NFYC: variants seen among roughly 807,000 people sequenced by gnomAD.
NFYC encodes the protein CAAT box DNA-binding protein subunit C.
Under a neutral mutation model 53.1 loss-of-function variants are expected in NFYC, and 25 were observed. The observed-to-expected ratio is 0.47, with a 90% CI of 0.34 to 0.66. The LOEUF is 0.66. Among genes scored for constraint, NFYC ranks in the 30% least tolerant of loss-of-function variants. NFYC has a pLI of 0.01. For missense variants in NFYC, 260 were observed against 422.7 expected (o/e 0.62, Z 3.38); for synonymous variants, 145 against 152.6 (o/e 0.95, Z 0.37).
chr1:40,692,010 G>A (rs771376721), intron 1 of NFYC, 143 bp downstream of exon 1: 3 of 256,068 alleles, frequency 1.2e-5, no homozygotes, highest in African/African-American at 4.8e-5. Flanking sequence ...CCGCCGCCAT[G>A]TTGTGCTCTT....
At chr1:40,697,437 T>G (rs1643208813) in intron 1 of NFYC, among the ~76,000 whole-genome samples, 1 of 152,256 alleles carries the variant, frequency 6.6e-6, no homozygotes, top group African/African-American at 2.4e-5. Flanking sequence ...CAGTCTTACT[T>G]TTGAATGCAC....
rs537098783 is a variant in NFYC at position 40,755,377 on chromosome 1, C to T, written c.387+2131C>T. ...AGCATTGTTCTGCCACTTGGGGCAA[C>T]CTCCCACTGCTGGGAAAAGGAACTA... is the stretch of plus-strand genomic sequence containing the variant. On this transcript the variant is annotated intron_variant, in intron 5 of 9. Transcript: ENST00000447388. 2.0e-5 allele frequency among the ~76,000 whole-genome samples: 3 copies of T among 152,356 alleles called. No individual in the cohort carries two copies. In the East Asian group the frequency reaches 5.8e-4, roughly 29 times the overall value.
chr1:40,770,318 T>G lies in NFYC; in HGVS notation c.889-391T>G. ...GGGGTAATCCTACTGCCCCTGCCAG[T>G]GTAGATTACCAAGAGTTGGGGAAAT... On this transcript the variant is annotated intron_variant, in intron 9 of 9. Coordinates refer to ENST00000447388, the MANE Select transcript of NFYC (RefSeq NM_014223.5). The surrounding 1 kb of genome is among the most constrained non-coding windows in gnomAD (Gnocchi z 5.3). The G allele has an allele frequency of 1.5e-6, 2 of 1,350,844 alleles. No homozygotes were observed. Among genetic ancestry groups the G allele is most frequent in the South Asian group, 2.8e-5 (2 of 71,554 alleles). The allele number at this position is 1,350,844 out of a possible 1,614,324, so 83.7% of individuals were successfully genotyped here. A position where few individuals can be genotyped will look rare whatever the true frequency, so the allele number is the denominator to read the frequency against.
intron 1 of NFYC, among the ~76,000 whole-genome samples, chr1:40,694,873 T>C (rs909326678): frequency 6.6e-6 from 1 of 152,250 alleles, no homozygotes; most frequent in Non-Finnish European, 1.5e-5. Context: ...AGATTTATAC[T>C]TTATAGGCTG....
intron 1 of NFYC, among the ~76,000 whole-genome samples, chr1:40,692,604 A>G (rs1283018530): frequency 6.6e-6 from 1 of 152,170 alleles, no homozygotes; most frequent in Non-Finnish European, 1.5e-5. Flanking sequence ...GGCTAGGGGC[A>G]TAGCTGAACG....
At chr1:40,708,534 C>T (rs1643828831) in intron 1 of NFYC, among the ~76,000 whole-genome samples, 1 of 152,088 alleles carries the variant, frequency 6.6e-6, no homozygotes, top group Non-Finnish European at 1.5e-5. Context: ...CATTATATTT[C>T]CTTCTTAGGT....
chr1:40,730,826 CAT>C (rs1165468865), intron 1 of NFYC, among the ~76,000 whole-genome samples: 3 of 152,180 alleles, frequency 2.0e-5, no homozygotes, highest in South Asian at 2.1e-4. Context: ...TTAGGTAAAA[CAT>C]GTCTTCCCAG....
At chr1:40,757,464 C>T (rs1209534945) in intron 5 of NFYC, 1 of 437,286 alleles carries the variant, frequency 2.3e-6, no homozygotes, top group Non-Finnish European at 4.9e-6. Flanking sequence ...CAGCGGAGAG[C>T]TGTCCATCAG....
intron 7 of NFYC, 38 bp from the exon 8 acceptor site, chr1:40,766,558 A>C (rs779824305): frequency 2.0e-6 from 3 of 1,480,656 alleles, no homozygotes; most frequent in Non-Finnish European, 2.8e-6. Flanking sequence ...GATTATACTC[A>C]ATGTCTTATG....
At chr1:40,767,512 T>C (rs191094142) in intron 8 of NFYC, among the ~76,000 whole-genome samples, 1 of 152,272 alleles carries the variant, frequency 6.6e-6, no homozygotes, top group Admixed American at 6.5e-5. Context: ...GGGCTGTTTC[T>C]GTGCCCACTC....
At chr1:40,754,448 G>A (rs749571957) in intron 5 of NFYC, 5 of 533,560 alleles carry the variant, frequency 9.4e-6, no homozygotes, top group Admixed American at 7.8e-5. Context: ...AGGCTGCCAC[G>A]GTCGTCCCCA....
chr1:40,749,772 C>T (rs1645809027), intron 4 of NFYC, 86 bp downstream of exon 4: 1 of 1,087,270 alleles, frequency 9.2e-7, no homozygotes, highest in East Asian at 2.4e-5. Flanking sequence ...AAAGATTGTT[C>T]TCCTTTAGGA....
At chr1:40,764,491 A>G (rs2148786506) in intron 7 of NFYC, among the ~76,000 whole-genome samples, 1 of 152,262 alleles carries the variant, frequency 6.6e-6, no homozygotes, top group Admixed American at 6.5e-5. Context: ...TTTCTGTTGA[A>G]TGGTTCTCAT....
At position 40,762,993 on chromosome 1, in the gene NFYC, A is replaced by G; in HGVS notation, c.667A>G (p.Met223Val). Residue 223 changes from methionine to valine, a missense_variant, in exon 7 of 10, where the codon ATG becomes GTG. Coordinates refer to ENST00000447388, the MANE Select transcript of NFYC (RefSeq NM_014223.5). ...GGCCCAGAGTGGCACTGGACAGACCATGCAGGTGATGCAGCAGATCATCAC... is the reference window on the plus strand; with the variant it reads ...GGCCCAGAGTGGCACTGGACAGACCGTGCAGGTGATGCAGCAGATCATCAC... The part of the protein sequence containing the change: ...QQAQSGTGQT[M>V]QVMQQIITNT... 1.2e-6 allele frequency: 2 copies of G among 1,611,388 alleles called. No individual in the cohort carries two copies. Among genetic ancestry groups the G allele is most frequent in the Non-Finnish European group, 1.7e-6 (2 of 1,178,446 alleles).
At position 40,766,725 on chromosome 1, in the gene NFYC, G is replaced by A. The variant is rs758408407; in HGVS notation, c.828+22G>A. 8 of 1,603,570 alleles carry A rather than the reference G, an allele frequency of 5.0e-6. No individual in the cohort carries two copies. The Admixed American group carries it at 1.2e-4, about 23-fold the overall frequency. ...ACAGGTATGTGCCCCAGAGACACAA[G>A]GCCTGTGTTGGAGACCAGGAGCAGA... On this transcript the variant is annotated intron_variant, in intron 8 of 9. Coordinates refer to ENST00000447388, the MANE Select transcript of NFYC (RefSeq NM_014223.5).
At chr1:40,730,849 C>CTAG (rs1471292832) in intron 1 of NFYC, among the ~76,000 whole-genome samples, 1 of 152,182 alleles carries the variant, frequency 6.6e-6, no homozygotes, top group African/African-American at 2.4e-5. Flanking sequence ...GATGGTTCAA[C>CTAG]TAGTAGTACA....
intron 1 of NFYC, among the ~76,000 whole-genome samples, chr1:40,701,975 A>G (rs1012138095): frequency 6.6e-6 from 1 of 152,054 alleles, no homozygotes; most frequent in Admixed American, 6.5e-5. Flanking sequence ...GCTGCACATG[A>G]CTGCTCTCTC....
chr1:40,770,524 G>C lies in NFYC; in HGVS notation c.889-185G>C. The C allele has an allele frequency of 6.4e-7, 1 of 1,560,966 alleles. No individual in the cohort carries two copies. Among genetic ancestry groups the C allele is most frequent in the Non-Finnish European group, 8.7e-7 (1 of 1,152,398 alleles). ...CCCACCACACACCCCCCCTCACACC[G>C]GGCTGGTGCCTCCTGTGTCTGCTGC... On this transcript the variant is annotated intron_variant, in intron 9 of 9. Transcript: ENST00000447388. This position sits in a 1 kb window ranked among gnomAD's most constrained non-coding sequence, Gnocchi z 5.3.
intron 6 of NFYC, among the ~76,000 whole-genome samples, chr1:40,762,346 T>G (rs567747773): frequency 6.6e-6 from 1 of 152,332 alleles, no homozygotes; most frequent in Non-Finnish European, 1.5e-5. Context: ...GCTCTGCAGC[T>G]TGAATGGGGT....
Sources: allele counts gnomAD v4.1 joint callset (sites outside exome capture counted in the v4.1 genomes callset), GRCh38; gene constraint gnomAD v4.1.1; non-coding constraint Gnocchi (gnomAD v3.1); transcripts MANE v1.5; gene names NCBI Gene and HGNC (gene_info 2026-07-23, HGNC 2026-07-21).